CA10: variants seen among roughly 807,000 people sequenced by gnomAD.
CA10 encodes the protein carbonic anhydrase 10 (inactive).
CA10 carries 14 observed loss-of-function variants against 44.2 expected under a neutral mutation model. The ratio of observed to expected loss-of-function variants is 0.32; its 90% CI spans 0.21 to 0.50. The LOEUF (loss-of-function observed/expected upper bound fraction) is 0.50. Ranked by LOEUF, CA10 falls within the 20% of genes least tolerant of loss-of-function variation. The pLI is 0.99. For missense variants in CA10, 350 were observed against 409.7 expected, an observed-to-expected ratio of 0.85 and a Z score of 1.26; for synonymous variants, 159 against 141.6, an observed-to-expected ratio of 1.12 and a Z score of -0.87.
chr17:51,772,286 C>T (rs1345578099), intron 3 of CA10, among the ~76,000 whole-genome samples: 2 of 151,998 alleles, frequency 1.3e-5, no homozygotes, highest in Non-Finnish European at 2.9e-5. Flanking sequence ...CTAGTATTAC[C>T]ATTACTGCTG....
chr17:51,737,656 G>A (rs777352817), intron 4 of CA10, among the ~76,000 whole-genome samples: 9 of 152,182 alleles, frequency 5.9e-5, no homozygotes, highest in Non-Finnish European at 1.3e-4. Flanking sequence ...GCAGAGAGGA[G>A]TGCTGAAGTC....
At chr17:51,915,450 T>C (rs1191681413) in intron 3 of CA10, among the ~76,000 whole-genome samples, 1 of 152,208 alleles carries the variant, frequency 6.6e-6, no homozygotes, top group Non-Finnish European at 1.5e-5. Flanking sequence ...AAGTGTGTAA[T>C]CCTGGGAGTT....
intron 2 of CA10, among the ~76,000 whole-genome samples, chr17:52,059,709 T>G (rs1987329433): frequency 6.6e-6 from 1 of 151,904 alleles, no homozygotes; most frequent in East Asian, 1.9e-4. Flanking sequence ...AAAAGAAAAC[T>G]CAATGGCTGA....
At chr17:52,039,410 C>T (rs1369340635) in intron 2 of CA10, among the ~76,000 whole-genome samples, 1 of 151,944 alleles carries the variant, frequency 6.6e-6, no homozygotes, top group African/African-American at 2.4e-5. Flanking sequence ...GGCTTTAATT[C>T]AGGGAATGAA....
chr17:51,661,995 A>G (rs1350084536), intron 4 of CA10: 2 of 152,256 alleles, frequency 1.3e-5, no homozygotes, highest in African/African-American at 4.8e-5. Context: ...AGCTACAGAA[A>G]CACAGCGTAG....
chr17:51,880,177 A>G (rs1980299452), intron 3 of CA10, among the ~76,000 whole-genome samples: 1 of 152,058 alleles, frequency 6.6e-6, no homozygotes, highest in Admixed American at 6.6e-5. Context: ...TCCAGCAGAA[A>G]CCGTAATAAG....
intron 4 of CA10, among the ~76,000 whole-genome samples, chr17:51,664,760 A>T (rs1914148879): frequency 6.6e-6 from 1 of 152,132 alleles, no homozygotes; most frequent in African/African-American, 2.4e-5. Context: ...TGATTGAATG[A>T]TATTTCGGGA....
chr17:51,690,080 T>C (rs1447277218), intron 4 of CA10, among the ~76,000 whole-genome samples: 2 of 152,126 alleles, frequency 1.3e-5, no homozygotes, highest in Non-Finnish European at 1.5e-5. Flanking sequence ...CCCAAGTAGC[T>C]GGGATTACAG....
intron 3 of CA10, among the ~76,000 whole-genome samples, chr17:51,885,379 C>T (rs1322511064): frequency 6.6e-6 from 1 of 152,216 alleles, no homozygotes; most frequent in Non-Finnish European, 1.5e-5. Flanking sequence ...TAGCTTTCAT[C>T]ACTTCCCTCA....
At chr17:52,088,917 A>T (rs1988189776) in intron 1 of CA10, among the ~76,000 whole-genome samples, 6 of 152,216 alleles carry the variant, frequency 3.9e-5, no homozygotes, top group African/African-American at 1.4e-4. Flanking sequence ...TGAAAAATAC[A>T]CTATAGATTA....
chr17:52,080,244 G>A (rs991203667), intron 1 of CA10, among the ~76,000 whole-genome samples: 1 of 151,926 alleles, frequency 6.6e-6, no homozygotes, highest in African/African-American at 2.4e-5. Context: ...CGAGGTCAGG[G>A]GATAGAGACC....
chr17:51,831,732 G>GCAGCAGCAGCAGC (rs1567854679), intron 3 of CA10, among the ~76,000 whole-genome samples: 49 of 145,780 alleles, frequency 3.4e-4, no homozygotes, highest in Middle Eastern at 3.5e-3. Context: ...AGCAGCAGCA[G>GCAGCAGCAGCAGC]AAAAAGACCT....
intron 6 of CA10, among the ~76,000 whole-genome samples, chr17:51,648,264 G>C (rs765914095): frequency 6.6e-6 from 1 of 152,154 alleles, no homozygotes; most frequent in African/African-American, 2.4e-5. Flanking sequence ...AGGGGATGTG[G>C]GTGCTTGGAT....
At chr17:51,702,414 C>A (rs1043437418) in intron 4 of CA10, among the ~76,000 whole-genome samples, 1 of 152,156 alleles carries the variant, frequency 6.6e-6, no homozygotes, top group South Asian at 2.1e-4. Context: ...TGGTGGCACA[C>A]AAGATAGCCA....
chr17:51,667,443 C>T (rs1914250278), intron 4 of CA10, among the ~76,000 whole-genome samples: 2 of 152,096 alleles, frequency 1.3e-5, no homozygotes, highest in African/African-American at 4.8e-5. Flanking sequence ...TTAAAACAGC[C>T]CTTGTGGTAT....
chr17:51,934,146 C>T (rs771232247), intron 2 of CA10, among the ~76,000 whole-genome samples: 4 of 152,048 alleles, frequency 2.6e-5, no homozygotes, highest in Admixed American at 6.6e-5. Context: ...TTTATTTACC[C>T]CTGGATGGCT....
chr17:52,140,384 G>T (rs989320040), intron 1 of CA10, among the ~76,000 whole-genome samples: 3 of 152,116 alleles, frequency 2.0e-5, no homozygotes, highest in Admixed American at 2.0e-4. Context: ...TTGCCCCTAC[G>T]GTGTAAATGT....
At chr17:51,808,178 T>C (rs1386947439) in intron 3 of CA10, among the ~76,000 whole-genome samples, 1 of 152,200 alleles carries the variant, frequency 6.6e-6, no homozygotes, top group African/African-American at 2.4e-5. Context: ...AAAAAGCTGC[T>C]GGTTTTCAGT....
intron 3 of CA10, among the ~76,000 whole-genome samples, chr17:51,898,590 TCTC>T (rs1349764575): frequency 1.3e-5 from 2 of 152,048 alleles, no homozygotes; most frequent in Admixed American, 6.6e-5. Context: ...ACAAGTCCCT[TCTC>T]CTCAGCTTTT....
Sources: gnomAD v4.1 joint callset for allele counts (sites outside exome capture counted in the v4.1 genomes callset) on GRCh38, gnomAD v4.1.1 for gene constraint, MANE v1.5 for transcripts, NCBI Gene and HGNC (gene_info 2026-07-23, HGNC 2026-07-21) for gene names.